KCNH1: variants seen among roughly 807,000 people sequenced by gnomAD.
The protein encoded by KCNH1 is voltage-gated delayed rectifier potassium channel KCNH1.
KCNH1 carries 27 observed loss-of-function variants against 69.2 expected under a neutral mutation model. The ratio of observed to expected loss-of-function variants is 0.39; its 90% CI spans 0.29 to 0.54. The LOEUF (loss-of-function observed/expected upper bound fraction) is 0.54. Among genes scored for constraint, KCNH1 ranks in the 20% least tolerant of loss-of-function variants. The probability of loss-of-function intolerance (pLI) is 0.68; values close to 1 mark genes in which losing one functional copy is unlikely to be tolerated. For missense variants in KCNH1, 798 were observed against 1,261.6 expected (o/e 0.63, Z 5.57); for synonymous variants, 456 against 487.7 (o/e 0.93, Z 0.86).
chr1:211,050,289 A>AAAAAAAAAAAAAAAAAAAAAAAAAAAC, intron 5 of KCNH1, among the ~76,000 whole-genome samples: 1 of 148,878 alleles, frequency 6.7e-6, no homozygotes, highest in African/African-American at 2.5e-5. Flanking sequence ...AAAAAAAAAA[A>AAAAAAAAAAAAAAAAAAAAAAAAAAAC]AGGACAGCTT....
rs1437000729 is a variant in KCNH1 at position 211,082,824 on chromosome 1, C to T, written c.514G>A (p.Val172Met). The T allele has an allele frequency of 3.1e-6, 5 of 1,614,020 alleles. No individual in the cohort carries two copies. The highest frequency in any genetic ancestry group is 1.7e-5 in the Admixed American group (1 of 60,000). ...TTGTGGACATTCTCGCCTTTTTGCACGCTTGGAGCCAGCTGCTGCAGGACA... is the reference window on the plus strand; with the variant it reads ...TTGTGGACATTCTCGCCTTTTTGCATGCTTGGAGCCAGCTGCTGCAGGACA... ...RGVLQQLAPS[V>M]QKGENVHKHS... The change falls in exon 5 of 11, where the codon GTG (valine) becomes ATG (methionine). Residue 172 changes from valine to methionine, a missense_variant. Transcript: ENST00000271751.
intron 7 of KCNH1, among the ~76,000 whole-genome samples, chr1:210,862,854 C>T (rs1233852879): frequency 1.3e-5 from 2 of 152,162 alleles, no homozygotes; most frequent in Admixed American, 6.5e-5. Flanking sequence ...CCTTAACTCA[C>T]TATTGTTTGG....
At chr1:210,982,844 C>A (rs893226128) in intron 6 of KCNH1, among the ~76,000 whole-genome samples, 1 of 152,228 alleles carries the variant, frequency 6.6e-6, no homozygotes, top group African/African-American at 2.4e-5. Context: ...GGAATCACCA[C>A]ACTGACTTCC....
At chr1:210,907,426 A>G (rs948712739) in intron 7 of KCNH1, among the ~76,000 whole-genome samples, 2 of 152,122 alleles carry the variant, frequency 1.3e-5, no homozygotes, top group Non-Finnish European at 2.9e-5. Flanking sequence ...GAACATTGGT[A>G]TCGGGTGAGA....
At chr1:210,995,235 A>G (rs1501547) in intron 6 of KCNH1, among the ~76,000 whole-genome samples, 117,525 of 152,082 alleles carry the variant, frequency 0.77, 46,119 homozygotes, top group African/African-American at 0.89. Context: ...AGAGGCTTAT[A>G]TTTTTCTGCC....
chr1:210,706,343 G>A (rs1681912845), intron 10 of KCNH1, among the ~76,000 whole-genome samples: 1 of 152,210 alleles, frequency 6.6e-6, no homozygotes, highest in Admixed American at 6.5e-5. Context: ...TCATTGATAT[G>A]TGCAGGGGAT....
chr1:210,800,508 G>A (rs944363855), intron 8 of KCNH1, among the ~76,000 whole-genome samples: 1 of 152,206 alleles, frequency 6.6e-6, no homozygotes, highest in Non-Finnish European at 1.5e-5. Context: ...TTATTCATGC[G>A]CACTGTTCCC....
chr1:210,849,917 AAAT>A (rs1475555893), intron 7 of KCNH1, among the ~76,000 whole-genome samples: 1 of 150,136 alleles, frequency 6.7e-6, no homozygotes, highest in Non-Finnish European at 1.5e-5. Flanking sequence ...AAGGAACAAT[AAAT>A]AATAATAAAA....
intron 8 of KCNH1, among the ~76,000 whole-genome samples, chr1:210,802,430 C>A (rs1392293538): frequency 6.6e-6 from 1 of 152,112 alleles, no homozygotes; most frequent in Non-Finnish European, 1.5e-5. Flanking sequence ...TCGAAAGAAT[C>A]AGTATGCCTT....
intron 10 of KCNH1, among the ~76,000 whole-genome samples, chr1:210,737,797 C>T (rs1470730498): frequency 3.9e-5 from 6 of 152,260 alleles, no homozygotes; most frequent in Non-Finnish European, 8.8e-5. Flanking sequence ...CTCCCCACAA[C>T]TCCATTGCTA....
At chr1:210,929,521 C>T (rs1464958367) in intron 6 of KCNH1, among the ~76,000 whole-genome samples, 2 of 152,136 alleles carry the variant, frequency 1.3e-5, no homozygotes, top group East Asian at 3.9e-4. Flanking sequence ...AGAGAAGGAA[C>T]ACACCTTAAG....
chr1:210,780,176 T>A (rs142870084), intron 9 of KCNH1, among the ~76,000 whole-genome samples: 3 of 152,136 alleles, frequency 2.0e-5, no homozygotes, highest in Admixed American at 2.0e-4. Context: ...GCAATTCTGA[T>A]CTGAACCCTA....
intron 10 of KCNH1, among the ~76,000 whole-genome samples, chr1:210,746,419 T>C (rs1408296124): frequency 1.3e-5 from 2 of 152,174 alleles, no homozygotes; most frequent in East Asian, 1.9e-4. Flanking sequence ...ATGGTACCTG[T>C]AGAATGTGAG....
intron 5 of KCNH1, among the ~76,000 whole-genome samples, chr1:211,059,705 T>C (rs1009260577): frequency 4.6e-5 from 7 of 151,598 alleles, no homozygotes; most frequent in Non-Finnish European, 1.0e-4. Flanking sequence ...ATTGCGCCAC[T>C]GCACTCCAGC....
intron 6 of KCNH1, among the ~76,000 whole-genome samples, chr1:210,970,317 A>C (rs1688489270): frequency 1.4e-5 from 2 of 147,518 alleles, no homozygotes; most frequent in South Asian, 4.3e-4. Context: ...CCCTGTGTCT[A>C]TGTGTTCTCA....
chr1:210,768,513 C>A (rs1683685737), intron 10 of KCNH1, among the ~76,000 whole-genome samples: 1 of 152,058 alleles, frequency 6.6e-6, no homozygotes, highest in Non-Finnish European at 1.5e-5. Flanking sequence ...AATAACACAG[C>A]TACATACTTA....
intron 5 of KCNH1, among the ~76,000 whole-genome samples, chr1:211,023,164 T>TA (rs376660361): frequency 0.22 from 25,779 of 117,686 alleles, 2,630 homozygotes; most frequent in Non-Finnish European, 0.24. Flanking sequence ...ATAAATAAAT[T>TA]AAAAATGCTG....
chr1:210,943,133 T>C (rs149662777), intron 6 of KCNH1, among the ~76,000 whole-genome samples: 3,042 of 152,254 alleles, frequency 0.02, 79 homozygotes, highest in Admixed American at 0.063. Context: ...AATGAACTGT[T>C]GGACAAGCCG....
chr1:211,075,576 C>A (rs1054512098), intron 5 of KCNH1, among the ~76,000 whole-genome samples: 1 of 152,194 alleles, frequency 6.6e-6, no homozygotes, highest in Non-Finnish European at 1.5e-5. Context: ...TGGCCCCACC[C>A]AGGTGTAGTT....
Sources: allele counts gnomAD v4.1 joint callset (sites outside exome capture counted in the v4.1 genomes callset), GRCh38; gene constraint gnomAD v4.1.1; transcripts MANE v1.5; gene names NCBI Gene and HGNC (gene_info 2026-07-23, HGNC 2026-07-21).